ABCC4: variants seen among roughly 807,000 people sequenced by gnomAD.
The protein encoded by ABCC4 is ATP binding cassette subfamily C member 4 (PEL blood group).
In ABCC4, 102 loss-of-function variants were observed where a neutral mutation model predicts 168.5. The observed-to-expected ratio is 0.61, with a 90% CI of 0.52 to 0.71. ABCC4 has a LOEUF of 0.71. ABCC4 is among the 30% of genes least tolerant of loss of function. The pLI is 0.00. For missense variants in ABCC4, 1,402 were observed against 1,605.8 expected (o/e 0.87, Z 2.17); for synonymous variants, 617 against 590.7 (o/e 1.04, Z -0.65).
In ABCC4 at chr13:95,237,117, C is replaced by T. The variant is rs2039796429; in HGVS notation, c.307-2283G>A. Reference sequence around the variant, plus strand: ...GATTCAAACGGCAAGAGGGATGACCCCCAGAGGAAATAACAGATGCAATAA... The same window carrying T: ...GATTCAAACGGCAAGAGGGATGACCTCCAGAGGAAATAACAGATGCAATAA... On this transcript the variant is annotated intron_variant, in intron 3 of 30. Transcript: ENST00000645237. 2.6e-5 allele frequency among the ~76,000 whole-genome samples: 4 copies of T among 152,112 alleles called. No homozygotes were observed. In the South Asian group the frequency reaches 8.3e-4, roughly 32 times the overall value.
At chr13:95,141,594 A>G (rs997236607) in intron 19 of ABCC4, among the ~76,000 whole-genome samples, 1 of 152,194 alleles carries the variant, frequency 6.6e-6, no homozygotes, top group Non-Finnish European at 1.5e-5. Context: ...AAACCTTAAC[A>G]TATCTTAGCC....
chr13:95,195,636 GTTATTA>G (rs1168716084), intron 8 of ABCC4, among the ~76,000 whole-genome samples: 35 of 151,852 alleles, frequency 2.3e-4, no homozygotes, highest in African/African-American at 7.7e-4. Context: ...TATTATTATT[GTTATTA>G]TTATTATTTT....
At chr13:95,212,596 T>C (rs1594309650) in intron 4 of ABCC4, among the ~76,000 whole-genome samples, 1 of 152,202 alleles carries the variant, frequency 6.6e-6, no homozygotes, top group East Asian at 1.9e-4. Context: ...AGATGCCAAT[T>C]TGTGAAAAAG....
chr13:95,273,649 T>A (rs543460284), intron 1 of ABCC4, among the ~76,000 whole-genome samples: 1 of 63,174 alleles, frequency 1.6e-5, no homozygotes, highest in South Asian at 3.8e-4. Context: ...ACTACTGATA[T>A]GGCTCTGTGT....
At chr13:95,034,309 CCA>C (rs2032024020) in intron 30 of ABCC4, among the ~76,000 whole-genome samples, 2 of 152,166 alleles carry the variant, frequency 1.3e-5, no homozygotes, top group African/African-American at 4.8e-5. Flanking sequence ...GAATCTGAAC[CCA>C]CAGAGTCTAA....
chr13:95,133,906 C>T (rs1432124128), intron 19 of ABCC4, among the ~76,000 whole-genome samples: 3 of 152,210 alleles, frequency 2.0e-5, no homozygotes, highest in Admixed American at 2.0e-4. Context: ...AAATATTTTA[C>T]ACAATCAATA....
intron 1 of ABCC4, among the ~76,000 whole-genome samples, chr13:95,266,981 T>C (rs778560131): frequency 2.8e-4 from 42 of 151,466 alleles, no homozygotes; most frequent in Non-Finnish European, 3.5e-4. Context: ...GTGATTCTCC[T>C]GCCTCAGCCT....
chr13:95,087,437 G>A (rs966766830), intron 20 of ABCC4, among the ~76,000 whole-genome samples: 5 of 152,016 alleles, frequency 3.3e-5, no homozygotes, highest in Admixed American at 6.6e-5. Context: ...GCAGTGAGCC[G>A]AGATCATGCC....
intron 30 of ABCC4, among the ~76,000 whole-genome samples, chr13:95,025,333 C>T (rs1453027988): frequency 1.3e-5 from 1 of 75,646 alleles, no homozygotes; most frequent in Non-Finnish European, 2.5e-5. Context: ...CACACCCACA[C>T]ACCCATACAC....
At chr13:95,276,716 T>TA (rs1434279005) in intron 1 of ABCC4, among the ~76,000 whole-genome samples, 1 of 151,932 alleles carries the variant, frequency 6.6e-6, no homozygotes, top group Non-Finnish European at 1.5e-5. Flanking sequence ...CCTTTATTAA[T>TA]AAAAAAGGAT....
chr13:95,025,439 GACACCCACACAC>G (rs1263440770), intron 30 of ABCC4, among the ~76,000 whole-genome samples: 26 of 180 alleles, frequency 0.14, no homozygotes, highest in South Asian at 0.25. Flanking sequence ...CACATCCCCT[GACACCCACACAC>G]ACACCCACAC....
At chr13:95,275,569 C>T (rs1443576456) in intron 1 of ABCC4, among the ~76,000 whole-genome samples, 1 of 150,980 alleles carries the variant, frequency 6.6e-6, no homozygotes, top group African/African-American at 2.4e-5. Flanking sequence ...TGTAACCATC[C>T]TTACCATCTC....
chr13:95,103,277 A>C (rs1429391670), intron 20 of ABCC4, among the ~76,000 whole-genome samples: 1 of 152,162 alleles, frequency 6.6e-6, no homozygotes, highest in Admixed American at 6.5e-5. Context: ...AAACAAAAAA[A>C]CAGAAAACAA....
At chr13:95,136,308 C>T (rs1047435006) in intron 19 of ABCC4, among the ~76,000 whole-genome samples, 1 of 152,054 alleles carries the variant, frequency 6.6e-6, no homozygotes, top group Non-Finnish European at 1.5e-5. Flanking sequence ...GCATGCACCA[C>T]CACGCCTGGG....
Position 95,186,706 on chromosome 13 carries a change from T to C in ABCC4, c.1540A>G (p.Lys514Glu), listed in dbSNP as rs2038073140. ...YEKVIKACAL[K>E]KDLQLLEDGD... The stretch of plus-strand genomic sequence containing the variant: ...ATCCAAAAGTCATCACTCACCTTTT[T>C]CAGAGCACAAGCCTTTATGACTTTT... The change falls in exon 11 of 31, where the codon AAA (lysine) becomes GAA (glutamate). Residue 514 changes from lysine (K) to glutamate (E), a missense_variant. Lys to Glu is a moderately conservative substitution (Grantham distance 56). Around this residue, in one of 3 missense-constraint regions of ABCC4, gnomAD observed 1,007 missense variants for 1,127.3 expected, o/e 0.89. Coordinates refer to ENST00000645237, the MANE Select transcript of ABCC4 (RefSeq NM_005845.5). The C allele has an allele frequency of 2.5e-6, 4 of 1,612,690 alleles. No individual in the cohort carries two copies. The highest frequency in any genetic ancestry group is 3.4e-6 in the Non-Finnish European group (4 of 1,179,224).
At chr13:95,115,014 C>A (rs1473378433) in intron 20 of ABCC4, among the ~76,000 whole-genome samples, 1 of 152,084 alleles carries the variant, frequency 6.6e-6, no homozygotes, top group East Asian at 1.9e-4. Flanking sequence ...GTGTTAGCAA[C>A]AGCAGCTGAG....
chr13:95,154,504 C>T (rs528739649), intron 19 of ABCC4, among the ~76,000 whole-genome samples: 2 of 152,224 alleles, frequency 1.3e-5, no homozygotes, highest in East Asian at 1.9e-4. Context: ...GGAAACATAG[C>T]GAGTGATTTG....
intron 1 of ABCC4, among the ~76,000 whole-genome samples, chr13:95,255,565 G>A (rs1253756684): frequency 2.0e-5 from 3 of 152,158 alleles, no homozygotes; most frequent in African/African-American, 7.2e-5. Context: ...CCATGACCAA[G>A]TAAATTAAAC....
chr13:95,257,915 G>C (rs142885106), intron 1 of ABCC4, among the ~76,000 whole-genome samples: 24 of 152,256 alleles, frequency 1.6e-4, no homozygotes, highest in Non-Finnish European at 2.6e-4. Flanking sequence ...ATAAATATGA[G>C]TGTCTTTAAT....
Sources: allele counts gnomAD v4.1 joint callset (sites outside exome capture counted in the v4.1 genomes callset), GRCh38; gene constraint gnomAD v4.1.1; regional missense constraint gnomAD v4.1.1; transcripts MANE v1.5; gene names NCBI Gene and HGNC (gene_info 2026-07-23, HGNC 2026-07-21).